The following KHDRBS2 variants were observed in gnomAD, a reference collection of about 807,000 sequenced individuals.
KHDRBS2 encodes KH RNA binding domain containing, signal transduction associated 2.
In KHDRBS2, 26 loss-of-function variants were observed where a neutral mutation model predicts 44.3. That is an observed-to-expected ratio of 0.59 (90% confidence interval 0.43 to 0.81). The LOEUF is 0.81. Ranked by LOEUF, KHDRBS2 falls within the 40% of genes least tolerant of loss-of-function variation. The probability of loss-of-function intolerance (pLI) is 0.00; values close to 1 mark genes in which losing one functional copy is unlikely to be tolerated. For missense variants in KHDRBS2, 476 were observed against 433.1 expected (o/e 1.10, Z -0.88); for synonymous variants, 194 against 151.1 (o/e 1.28, Z -2.08).
intron 1 of KHDRBS2, among the ~76,000 whole-genome samples, chr6:62,214,137 T>C (rs1829589741): frequency 6.6e-6 from 1 of 152,150 alleles, no homozygotes; most frequent in African/African-American, 2.4e-5. Context: ...TGTTTACTCT[T>C]GAGATTTGAT....
intron 2 of KHDRBS2, among the ~76,000 whole-genome samples, chr6:62,171,547 G>A (rs1164925739): frequency 6.6e-6 from 1 of 152,116 alleles, no homozygotes; most frequent in Non-Finnish European, 1.5e-5. Context: ...CCAACCTTGC[G>A]AGAGGCCAAC....
chr6:61,673,224 G>A, the KHDRBS2 span, among the ~76,000 whole-genome samples: 1 of 152,040 alleles, frequency 6.6e-6, no homozygotes, highest in African/African-American at 2.4e-5. Context: ...TTTGGTACCA[G>A]TACCATGCTG....
At position 61,738,150 on chromosome 6, in the gene KHDRBS2, T is replaced by C. The variant is rs11966757; in HGVS notation, c.811-5386A>G. On this transcript the variant is annotated intron_variant, in intron 6 of 8. Transcript: ENST00000281156. ...TCCTGGCTTATTAGTATATTTCTAC[T>C]AAAAAATACTACTTTATTACTTAAG... is the stretch of plus-strand genomic sequence containing the variant. Among the ~76,000 whole-genome samples the C allele has an allele frequency of 1.7e-3, 264 of 152,142 alleles. 1 individual carries two copies. Among genetic ancestry groups the C allele is most frequent in the African/African-American group, 6.0e-3 (249 of 41,554 alleles).
At chr6:61,554,619 C>G in the KHDRBS2 span, among the ~76,000 whole-genome samples, 1 of 152,040 alleles carries the variant, frequency 6.6e-6, no homozygotes, top group Non-Finnish European at 1.5e-5. Flanking sequence ...GACCTATGTA[C>G]TTGTGTGTTT....
intron 6 of KHDRBS2, among the ~76,000 whole-genome samples, chr6:61,800,367 C>A (rs1239501557): frequency 1.3e-5 from 2 of 151,996 alleles, no homozygotes; most frequent in Non-Finnish European, 2.9e-5. Flanking sequence ...ATATGAGGAG[C>A]TTTAGTGAGG....
At chr6:62,062,304 C>T (rs529004321) in intron 2 of KHDRBS2, among the ~76,000 whole-genome samples, 2 of 145,154 alleles carry the variant, frequency 1.4e-5, no homozygotes, top group African/African-American at 2.6e-5. Flanking sequence ...GAACTTTCCA[C>T]CCCAAATCAA....
chr6:61,585,399 T>C, the KHDRBS2 span, among the ~76,000 whole-genome samples: 1 of 152,056 alleles, frequency 6.6e-6, no homozygotes, highest in African/African-American at 2.4e-5. Context: ...CTGACTACTG[T>C]CTCAATCATG....
At chr6:61,823,892 C>T (rs191740976) in intron 6 of KHDRBS2, among the ~76,000 whole-genome samples, 1 of 152,206 alleles carries the variant, frequency 6.6e-6, no homozygotes, top group Admixed American at 6.6e-5. Flanking sequence ...GAAATAATGT[C>T]TGAAATAACA....
rs1459877748 is a variant in KHDRBS2 at position 61,954,953 on chromosome 6, T to G, written c.483+23113A>C. On this transcript the variant is annotated intron_variant, in intron 4 of 8. Coordinates refer to ENST00000281156, the MANE Select transcript of KHDRBS2 (RefSeq NM_152688.4). ...ACATACATATGTATGTGTATACATA[T>G]ATATGTATATATACGCATACATATG... 1.4e-5 allele frequency among the ~76,000 whole-genome samples: 2 copies of G among 141,530 alleles called. 1 individual carries two copies. Among genetic ancestry groups the G allele is most frequent in the Non-Finnish European group, 3.1e-5 (2 of 64,286 alleles). The allele number at this position is 141,530 out of a possible 152,430, so 92.8% of individuals were successfully genotyped here. A position where few individuals can be genotyped will look rare whatever the true frequency, so the allele number is the denominator to read the frequency against.
intron 1 of KHDRBS2, among the ~76,000 whole-genome samples, chr6:62,217,019 G>T (rs1162626219): frequency 7.2e-6 from 1 of 138,832 alleles, no homozygotes. Flanking sequence ...AGAAAGAGAT[G>T]ATCTGATTAA....
intron 2 of KHDRBS2, among the ~76,000 whole-genome samples, chr6:62,054,618 G>T (rs1789848452): frequency 6.6e-6 from 1 of 152,000 alleles, no homozygotes; most frequent in Admixed American, 6.6e-5. Flanking sequence ...GAGATGTGAT[G>T]GCAATAGCAT....
At position 62,118,579 on chromosome 6, in the gene KHDRBS2, G is replaced by A. The variant is rs1806848939; in HGVS notation, c.219+58606C>T. Among the ~76,000 whole-genome samples, 5 of 152,098 alleles carry A rather than the reference G, an allele frequency of 3.3e-5. No individual in the cohort carries two copies. The South Asian group carries it at 1.0e-3, about 32-fold the overall frequency. ...AGGATACAAAATATTGTTTCCGGGG[G>A]TGTCACCAAAGGAGATTAATATTTG... On this transcript the variant is annotated intron_variant, in intron 2 of 8. Coordinates refer to ENST00000281156, the MANE Select transcript of KHDRBS2 (RefSeq NM_152688.4).
At chr6:62,045,435 A>G (rs984422041) in intron 3 of KHDRBS2, among the ~76,000 whole-genome samples, 1 of 151,972 alleles carries the variant, frequency 6.6e-6, no homozygotes, top group African/African-American at 2.4e-5. Flanking sequence ...TCACTGTATC[A>G]AAATTTGCTC....
chr6:61,926,905 G>A (rs1809084298), intron 4 of KHDRBS2, among the ~76,000 whole-genome samples: 1 of 151,424 alleles, frequency 6.6e-6, no homozygotes, highest in South Asian at 2.1e-4. Context: ...TTTTCAAGCT[G>A]TTCTCTTATA....
In KHDRBS2 at chr6:62,202,447, T is replaced by C. The variant is rs74628167; in HGVS notation, c.92-25135A>G. Among the ~76,000 whole-genome samples the C allele has an allele frequency of 5.1e-3, 781 of 152,194 alleles. 9 individuals are homozygous for C. The highest frequency in any genetic ancestry group is 0.018 in the African/African-American group (739 of 41,534). On this transcript the variant is annotated intron_variant, in intron 1 of 8. Coordinates refer to ENST00000281156, the MANE Select transcript of KHDRBS2 (RefSeq NM_152688.4). ...CAGTATACTCACACAATACATCATATGCAATCATAAGACAAAAGTATTATG... is the reference window on the plus strand; with the variant it reads ...CAGTATACTCACACAATACATCATACGCAATCATAAGACAAAAGTATTATG...
intron 4 of KHDRBS2, among the ~76,000 whole-genome samples, chr6:61,907,398 CT>C (rs1192032310): frequency 6.6e-6 from 1 of 152,010 alleles, no homozygotes; most frequent in Non-Finnish European, 1.5e-5. Context: ...GTGCAGAAGC[CT>C]TTTAGCTTTC....
the KHDRBS2 span, among the ~76,000 whole-genome samples, chr6:61,568,264 C>G: frequency 6.6e-6 from 1 of 152,138 alleles, no homozygotes; most frequent in African/African-American, 2.4e-5. Flanking sequence ...AATTTGAAGA[C>G]AAGTAAAGTG....
At chr6:61,622,814 G>A in the KHDRBS2 span, among the ~76,000 whole-genome samples, 2 of 152,066 alleles carry the variant, frequency 1.3e-5, no homozygotes, top group African/African-American at 2.4e-5. Context: ...TATGATAGGG[G>A]CATCTGCATC....
chr6:62,069,749 GA>G (rs1794553514), intron 2 of KHDRBS2, among the ~76,000 whole-genome samples: 1 of 151,696 alleles, frequency 6.6e-6, no homozygotes, highest in African/African-American at 2.4e-5. Context: ...ATTACAATAG[GA>G]TAGTTTGTAC....
Sources: allele counts gnomAD v4.1 joint callset (sites outside exome capture counted in the v4.1 genomes callset), GRCh38; gene constraint gnomAD v4.1.1; transcripts MANE v1.5; gene names NCBI Gene and HGNC (gene_info 2026-07-23, HGNC 2026-07-21).